BLM: variants seen among roughly 807,000 people sequenced by gnomAD.
BLM encodes recQ-like DNA helicase BLM.
In BLM, 95 loss-of-function variants were observed where a neutral mutation model predicts 135.3. The ratio of observed to expected loss-of-function variants is 0.70; its 90% CI spans 0.59 to 0.83. The LOEUF (loss-of-function observed/expected upper bound fraction) is 0.83. Ranked by LOEUF, BLM falls within the 40% of genes least tolerant of loss-of-function variation. The probability of loss-of-function intolerance (pLI) is 0.00; values close to 1 mark genes in which losing one functional copy is unlikely to be tolerated. For missense variants in BLM, 1,518 were observed against 1,663.9 expected (o/e 0.91, Z 1.53); for synonymous variants, 520 against 589.2 (o/e 0.88, Z 1.70).
In BLM at chr15:90,778,889, C is replaced by CTTTTTTTTTTTTTT. The variant is rs60733714; in HGVS notation, c.2556-3932_2556-3919dup. 2.8e-3 allele frequency among the ~76,000 whole-genome samples: 384 copies of CTTTTTTTTTTTTTT among 134,958 alleles called. 16 individuals are homozygous for CTTTTTTTTTTTTTT. Among genetic ancestry groups the CTTTTTTTTTTTTTT allele is most frequent in the Non-Finnish European group, 5.5e-3 (342 of 62,338 alleles). The allele number at this position is 134,958 out of a possible 152,430, so 88.5% of individuals were successfully genotyped here. A position where few individuals can be genotyped will look rare whatever the true frequency, so the allele number is the denominator to read the frequency against. ...ATAGAAACTCTATGTTTAACCCTTT[C>CTTTTTTTTTTTTTT]TTTTTTTTTTTTTTGAGACGGAGTC... is the stretch of plus-strand genomic sequence containing the variant. On this transcript the variant is annotated intron_variant, in intron 12 of 21. Coordinates refer to ENST00000355112, the MANE Select transcript of BLM (RefSeq NM_000057.4).
At chr15:90,806,445 A>T (rs1488062686) in intron 19 of BLM, among the ~76,000 whole-genome samples, 1 of 146,856 alleles carries the variant, frequency 6.8e-6, no homozygotes, top group African/African-American at 2.5e-5. Flanking sequence ...CAGGAGGTGG[A>T]GGTTGCAGTG....
At chr15:90,725,170 A>G (rs1894877013) in intron 1 of BLM, among the ~76,000 whole-genome samples, 1 of 152,066 alleles carries the variant, frequency 6.6e-6, no homozygotes, top group Admixed American at 6.6e-5. Context: ...CGGCCTCCCA[A>G]AGTGCTGGGA....
chr15:90,738,851 A>G (rs1013948682), intron 1 of BLM, among the ~76,000 whole-genome samples: 1 of 152,224 alleles, frequency 6.6e-6, no homozygotes, highest in African/African-American at 2.4e-5. Flanking sequence ...TAGGATGTGG[A>G]AAAATGGGAA....
intron 1 of BLM, among the ~76,000 whole-genome samples, chr15:90,737,080 G>A (rs1895237652): frequency 6.6e-6 from 1 of 152,004 alleles, no homozygotes; most frequent in Non-Finnish European, 1.5e-5. Flanking sequence ...AAGGTGAGGT[G>A]GGACTGACCA....
In BLM at chr15:90,769,565, T is replaced by C. The variant is rs981608488; in HGVS notation, c.2534T>C (p.Leu845Pro). ...PRVQKDILTQ[L>P]KILRPQVFSM... The stretch of plus-strand genomic sequence containing the variant: ...GTACAGAAGGACATCCTGACTCAGC[T>C]GAAGATTCTCAGACCTCAGGTGTAA... The change falls in exon 12 of 22, where the codon CTG becomes CCG. Residue 845 changes from leucine to proline, a missense_variant. Coordinates refer to ENST00000355112, the MANE Select transcript of BLM (RefSeq NM_000057.4). The C allele has an allele frequency of 1.9e-6, 3 of 1,613,890 alleles. No homozygotes were observed. The highest frequency in any genetic ancestry group is 2.5e-6 in the Non-Finnish European group (3 of 1,179,936).
At chr15:90,787,440 A>G (rs1426917653) in intron 14 of BLM, among the ~76,000 whole-genome samples, 1 of 152,188 alleles carries the variant, frequency 6.6e-6, no homozygotes, top group Non-Finnish European at 1.5e-5. Context: ...ACAACTAATA[A>G]TTACTTGGAG....
In BLM at chr15:90,760,267, A is replaced by G. The variant is rs375342874; in HGVS notation, c.1208A>G (p.Gln403Arg). 4 of 1,614,032 alleles carry G rather than the reference A, an allele frequency of 2.5e-6. No homozygotes were observed. The African/African-American group carries it at 4.0e-5, about 16-fold the overall frequency. The change falls in exon 6 of 22, where the codon CAG (glutamine) becomes CGG (arginine). Residue 403 changes from glutamine (Q) to arginine (R), a missense_variant. Around this residue, in one of 5 missense-constraint regions of BLM, gnomAD observed 724 missense variants for 756.9 expected, o/e 0.96. Coordinates refer to ENST00000355112, the MANE Select transcript of BLM (RefSeq NM_000057.4). ...GATTGTGGGAACGAACTGCTTCAGCAGCGGAACATAAGGTATCTTAATTTT... is the reference window on the plus strand; with the variant it reads ...GATTGTGGGAACGAACTGCTTCAGCGGCGGAACATAAGGTATCTTAATTTT... ...LLDCGNELLQQRNIRRKLLTE... is the reference protein window; with the variant it reads ...LLDCGNELLQRRNIRRKLLTE...
chr15:90,761,250 A>T lies in BLM; in HGVS notation c.1877A>T (p.Tyr626Phe), dbSNP rs374569385. 1.1e-5 allele frequency: 17 copies of T among 1,522,586 alleles called. No individual in the cohort carries two copies. The highest frequency in any genetic ancestry group is 4.6e-5 in the Admixed American group (2 of 43,018). The allele number at this position is 1,522,586 out of a possible 1,614,324, so 94.3% of individuals were successfully genotyped here. A position where few individuals can be genotyped will look rare whatever the true frequency, so the allele number is the denominator to read the frequency against. ...AACTTCTCAGAGTCAATTCAGAATTATACTGGTAAGTTTAAAATAAATTGA... is the reference window on the plus strand; with the variant it reads ...AACTTCTCAGAGTCAATTCAGAATTTTACTGGTAAGTTTAAAATAAATTGA... ...NINFSESIQNYTDKSAQNLAS... is the reference protein window; with the variant it reads ...NINFSESIQNFTDKSAQNLAS... The change falls in exon 7 of 22, where the codon TAT becomes TTT. Residue 626 changes from tyrosine to phenylalanine, a missense_variant. By Grantham distance (22) the Tyr-to-Phe change is conservative. Transcript: ENST00000355112.
Position 90,798,215 on chromosome 15 carries a change from A to G in BLM, c.3236A>G (p.Asp1079Gly), listed in dbSNP as rs776714693. Residue 1079 changes from aspartate (D) to glycine (G), a missense_variant, in exon 17 of 22, where the codon GAC becomes GGC. By Grantham distance (94) the Asp-to-Gly change is moderately conservative (BLOSUM62 -1). Transcript: ENST00000355112. ...TKDYKTRDVT[D>G]DVKSIVRFVQ... The stretch of plus-strand genomic sequence containing the variant: ...GATTATAAAACAAGAGATGTGACTG[A>G]CGATGTGAAAAGTATTGTAAGATTT... 3.2e-5 allele frequency: 51 copies of G among 1,608,704 alleles called. No individual in the cohort carries two copies. The highest frequency in any genetic ancestry group is 4.3e-5 in the Non-Finnish European group (51 of 1,175,864).
At chr15:90,752,295 C>CCTCCCAGG in intron 4 of BLM, among the ~76,000 whole-genome samples, 1 of 151,938 alleles carries the variant, frequency 6.6e-6, no homozygotes, top group Non-Finnish European at 1.5e-5. Flanking sequence ...TGTGCCTCAG[C>CCTCCCAGG]CTCCCAGGTA....
intron 20 of BLM, 35 bp downstream of exon 20, chr15:90,809,294 T>A (rs1897352866): frequency 1.9e-6 from 3 of 1,613,840 alleles, no homozygotes; most frequent in Non-Finnish European, 1.7e-6. Context: ...TCTAAAAGCC[T>A]GTTTAATGTG....
At chr15:90,767,918 G>A (rs535334297) in intron 10 of BLM, among the ~76,000 whole-genome samples, 2 of 151,838 alleles carry the variant, frequency 1.3e-5, no homozygotes, top group South Asian at 4.2e-4. Context: ...TTTGCCATAA[G>A]GAAGAGTTTT....
chr15:90,769,614 G>A, intron 12 of BLM, 28 bp downstream of exon 12: 1 of 1,609,470 alleles, frequency 6.2e-7, no homozygotes, highest in South Asian at 1.1e-5. Flanking sequence ...ACGTATTTGA[G>A]AACCCTGGGG....
intron 1 of BLM, among the ~76,000 whole-genome samples, chr15:90,742,016 A>G (rs909384191): frequency 1.2e-4 from 19 of 152,170 alleles, no homozygotes; most frequent in Non-Finnish European, 2.1e-4. Flanking sequence ...GTGTGATTCT[A>G]TATATATGAA....
chr15:90,739,995 G>C (rs1022066254), intron 1 of BLM, among the ~76,000 whole-genome samples: 4 of 152,072 alleles, frequency 2.6e-5, no homozygotes, highest in Non-Finnish European at 5.9e-5. Flanking sequence ...CAACTCCTGG[G>C]CTCAAGCGAT....
intron 1 of BLM, among the ~76,000 whole-genome samples, chr15:90,721,879 C>T (rs1009700327): frequency 6.7e-6 from 1 of 149,834 alleles, no homozygotes; most frequent in Non-Finnish European, 1.5e-5. Flanking sequence ...TGCAGTGAGC[C>T]GAGATCACAC....
In BLM at chr15:90,750,101, C is replaced by T. The variant is rs374025347; in HGVS notation, c.799+34C>T. 12 of 1,600,090 alleles carry T rather than the reference C, an allele frequency of 7.5e-6. No homozygotes were observed. The African/African-American group carries it at 1.5e-4, about 20-fold the overall frequency. On this transcript the variant is annotated intron_variant, in intron 3 of 21. Coordinates refer to ENST00000355112, the MANE Select transcript of BLM (RefSeq NM_000057.4). ...TATTTTATCTTCATTTTAGTATGTTCATTGTACTTTTTTATTCAAAGCTAG... is the reference window on the plus strand; with the variant it reads ...TATTTTATCTTCATTTTAGTATGTTTATTGTACTTTTTTATTCAAAGCTAG...
chr15:90,756,785 G>A (rs533903147), intron 5 of BLM, among the ~76,000 whole-genome samples: 2 of 152,302 alleles, frequency 1.3e-5, no homozygotes, highest in South Asian at 4.1e-4. Flanking sequence ...AAAAGTTAGA[G>A]GTGTGAGGCA....
intron 1 of BLM, among the ~76,000 whole-genome samples, chr15:90,733,809 C>T (rs116880939): frequency 7.9e-5 from 12 of 152,174 alleles, no homozygotes; most frequent in South Asian, 2.1e-4. Flanking sequence ...CTCTTCTTGC[C>T]GGTCAACCAC....
Sources: allele counts gnomAD v4.1 joint callset (sites outside exome capture counted in the v4.1 genomes callset), GRCh38; gene constraint gnomAD v4.1.1; regional missense constraint gnomAD v4.1.1; transcripts MANE v1.5; gene names NCBI Gene and HGNC (gene_info 2026-07-23, HGNC 2026-07-21).